The following ATP2B4 variants were observed in gnomAD, a reference collection of about 807,000 sequenced individuals.
ATP2B4 encodes the protein plasma membrane calcium-transporting ATPase 4.
Under a neutral mutation model 110.3 loss-of-function variants are expected in ATP2B4, and 39 were observed. The ratio of observed to expected loss-of-function variants is 0.35; its 90% CI spans 0.27 to 0.46. ATP2B4 has a LOEUF of 0.46. ATP2B4 is among the 20% of genes least tolerant of loss of function. ATP2B4 has a pLI of 1.00. For synonymous variants in ATP2B4, 538 were observed against 571.7 expected (o/e 0.94, Z 0.84); for missense variants, 1,135 against 1,530.9 (o/e 0.74, Z 4.32).
At chr1:203,734,829 C>G (rs1179407164) in intron 20 of ATP2B4, among the ~76,000 whole-genome samples, 1 of 151,440 alleles carries the variant, frequency 6.6e-6, no homozygotes, top group Non-Finnish European at 1.5e-5. Flanking sequence ...ATGGTGAAAC[C>G]CTGTCTCTAC....
intron 17 of ATP2B4, among the ~76,000 whole-genome samples, 179 bp from the exon 18 acceptor site, chr1:203,722,299 G>A (rs778156055): frequency 4.6e-5 from 7 of 152,056 alleles, no homozygotes; most frequent in East Asian, 1.9e-4. Flanking sequence ...ATGCCACTGC[G>A]CTCCAGCCTG....
intron 1 of ATP2B4, among the ~76,000 whole-genome samples, chr1:203,646,981 T>TA (rs1012956634): frequency 5.3e-5 from 8 of 152,146 alleles, no homozygotes; most frequent in African/African-American, 1.9e-4. Context: ...ACACGTTGCA[T>TA]AATAAGATTT....
chr1:203,666,807 T>C (rs1305806458), intron 1 of ATP2B4, among the ~76,000 whole-genome samples: 1 of 152,182 alleles, frequency 6.6e-6, no homozygotes, highest in Admixed American at 6.5e-5. Flanking sequence ...GGCAGTTCCC[T>C]TCCTGCCCTT....
At chr1:203,713,323 C>A in intron 14 of ATP2B4, 71 bp downstream of exon 14, 3 of 1,548,858 alleles carry the variant, frequency 1.9e-6, no homozygotes, top group Non-Finnish European at 2.7e-6. Context: ...ATAAGAACCA[C>A]CAGCCAAAGC....
At chr1:203,674,867 A>C (rs562877014) in intron 1 of ATP2B4, among the ~76,000 whole-genome samples, 32 of 152,112 alleles carry the variant, frequency 2.1e-4, no homozygotes, top group African/African-American at 7.5e-4. Flanking sequence ...CATGTTAGCC[A>C]GGATGGAATT....
At chr1:203,735,002 C>CAAAAAAAAAAAAAAAA (rs35552196) in intron 20 of ATP2B4, among the ~76,000 whole-genome samples, 3 of 57,132 alleles carry the variant, frequency 5.3e-5, no homozygotes, top group Non-Finnish European at 8.9e-5. Flanking sequence ...GACTCCATCT[C>CAAAAAAAAAAAAAAAA]AAAAAAAAAA....
chr1:203,739,730 G>A lies in ATP2B4; in HGVS notation c.3494G>A (p.Arg1165Lys). The change falls in exon 21 of 21, where the codon AGG (arginine) becomes AAG (lysine). Residue 1165 changes from arginine to lysine, a missense_variant. Transcript: ENST00000357681. ...GACAAGGCTTCTAAGTTTGGGACTA[G>A]GGTGCTCCTGTTGGATGGTGAGGTC... ...NPDKASKFGT[R>K]VLLLDGEVTP... 2 of 1,614,194 alleles carry A rather than the reference G, an allele frequency of 1.2e-6. No homozygotes were observed. The highest frequency in any genetic ancestry group is 1.7e-6 in the Non-Finnish European group (2 of 1,180,032).
intron 20 of ATP2B4, among the ~76,000 whole-genome samples, chr1:203,736,883 T>C (rs1189231332): frequency 6.6e-6 from 1 of 152,174 alleles, no homozygotes; most frequent in Admixed American, 6.5e-5. Context: ...AGTTGGGGCA[T>C]CCTGGCACAG....
At chr1:203,704,700 C>T (rs899439088) in intron 8 of ATP2B4, among the ~76,000 whole-genome samples, 1 of 151,786 alleles carries the variant, frequency 6.6e-6, no homozygotes, top group Non-Finnish European at 1.5e-5. Flanking sequence ...AGGCTGGTCT[C>T]GAACTCCTGG....
At chr1:203,644,369 C>G (rs886467101) in intron 1 of ATP2B4, among the ~76,000 whole-genome samples, 4 of 152,154 alleles carry the variant, frequency 2.6e-5, no homozygotes, top group Non-Finnish European at 5.9e-5. Flanking sequence ...CAGGGCCACC[C>G]TCCCTGCTCA....
chr1:203,699,703 C>G lies in ATP2B4; in HGVS notation c.635C>G (p.Ala212Gly), dbSNP rs768606063. Residue 212 changes from alanine to glycine, a missense_variant, in exon 4 of 21, where the codon GCC (alanine) becomes GGC (glycine). This residue lies in a region of ATP2B4 where 101 missense variants were observed against 182.6 expected (regional missense o/e 0.55). Coordinates refer to ENST00000357681, the MANE Select transcript of ATP2B4 (RefSeq NM_001684.5). ...GCTGAGATTGTGGTTGGTGATATTG[C>G]CCAAGTCAAATACGGTGAGAGCTCC... is the stretch of plus-strand genomic sequence containing the variant. Reference protein sequence around the residue: ...PVAEIVVGDIAQVKYGDLLPA... With the variant: ...PVAEIVVGDIGQVKYGDLLPA... 6.2e-7 allele frequency: 1 copy of G among 1,614,050 alleles called. No homozygotes were observed. The highest frequency in any genetic ancestry group is 2.2e-5 in the East Asian group (1 of 44,882).
chr1:203,698,680 G>T (rs930627533), intron 3 of ATP2B4, among the ~76,000 whole-genome samples: 12 of 151,444 alleles, frequency 7.9e-5, no homozygotes, highest in African/African-American at 2.7e-4. Context: ...ATCTTGCTCT[G>T]TCACCCAGGC....
chr1:203,726,880 GTTTGTAACACAGAAACTAC>G, intron 19 of ATP2B4, among the ~76,000 whole-genome samples: 1 of 152,286 alleles, frequency 6.6e-6, no homozygotes. Context: ...TTTCACAAGA[GTTTGTAACACAGAAACTAC>G]TTTGCATGTG....
At chr1:203,703,965 C>T (rs907137561) in intron 8 of ATP2B4, 152 bp downstream of exon 8, 14 of 971,714 alleles carry the variant, frequency 1.4e-5, no homozygotes, top group African/African-American at 1.0e-4. Flanking sequence ...TCCCTATCTC[C>T]GCCACTGTTT....
chr1:203,717,501 A>G (rs1666190565), intron 15 of ATP2B4, among the ~76,000 whole-genome samples: 1 of 152,056 alleles, frequency 6.6e-6, no homozygotes, highest in African/African-American at 2.4e-5. Context: ...CTTTAGATAC[A>G]ACCCCAGTTG....
intron 18 of ATP2B4, 26 bp from the exon 19 acceptor site, chr1:203,723,855 G>A: frequency 6.4e-7 from 1 of 1,560,554 alleles, no homozygotes; most frequent in Non-Finnish European, 8.7e-7. Flanking sequence ...TTCCTTGATG[G>A]TGGGCTGCCC....
intron 1 of ATP2B4, among the ~76,000 whole-genome samples, chr1:203,682,474 C>A (rs1665044229): frequency 6.6e-6 from 1 of 152,048 alleles, no homozygotes; most frequent in Non-Finnish European, 1.5e-5. Flanking sequence ...TTTTATGTTG[C>A]TTGGTTGGGA....
intron 1 of ATP2B4, among the ~76,000 whole-genome samples, chr1:203,648,174 G>A (rs1663864289): frequency 6.6e-6 from 1 of 152,136 alleles, no homozygotes; most frequent in Non-Finnish European, 1.5e-5. Context: ...ATGCTGGCCT[G>A]TGATTGGAGA....
chr1:203,637,817 C>A (rs1190737540), intron 1 of ATP2B4, among the ~76,000 whole-genome samples: 1 of 152,180 alleles, frequency 6.6e-6, no homozygotes, highest in Non-Finnish European at 1.5e-5. Flanking sequence ...GTCCCAAATG[C>A]CCTGCTTCCT....
Sources: gnomAD v4.1 joint callset for allele counts (sites outside exome capture counted in the v4.1 genomes callset) on GRCh38, gnomAD v4.1.1 for gene constraint, gnomAD v4.1.1 regional missense constraint, MANE v1.5 for transcripts, NCBI Gene and HGNC (gene_info 2026-07-23, HGNC 2026-07-21) for gene names.